PALM2AKAP2: variants seen among roughly 807,000 people sequenced by gnomAD.
PALM2AKAP2 encodes PALM2-AKAP2 fusion protein.
Under a neutral mutation model 71.5 loss-of-function variants are expected in PALM2AKAP2, and 37 were observed. The observed-to-expected ratio is 0.52, with a 90% confidence interval of 0.40 to 0.68. The LOEUF (loss-of-function observed/expected upper bound fraction) is 0.68. Ranked by LOEUF, PALM2AKAP2 falls within the 30% of genes least tolerant of loss-of-function variation. The probability of loss-of-function intolerance (pLI) is 0.00; values close to 1 mark genes in which losing one functional copy is unlikely to be tolerated. For synonymous variants in PALM2AKAP2, 468 were observed against 478.8 expected, an observed-to-expected ratio of 0.98 and a Z score of 0.29; for missense variants, 1,224 against 1,191.8, an observed-to-expected ratio of 1.03 and a Z score of -0.40.
chr9:110,022,168 C>G (rs1833084470), intron 7 of PALM2AKAP2, among the ~76,000 whole-genome samples: 1 of 152,188 alleles, frequency 6.6e-6, no homozygotes, highest in South Asian at 2.1e-4. Context: ...TTCACTGTGT[C>G]TCTCTCTGTA....
chr9:110,147,637 G>C (rs57619530), intron 2 of PALM2AKAP2, among the ~76,000 whole-genome samples: 6,591 of 152,212 alleles, frequency 0.043, 498 homozygotes, highest in African/African-American at 0.15. Flanking sequence ...GCTGAATTTA[G>C]TGGTGTGTAC....
chr9:110,024,739 G>T (rs1833143815), intron 7 of PALM2AKAP2: 2 of 592,984 alleles, frequency 3.4e-6, no homozygotes, highest in Non-Finnish European at 5.9e-6. Context: ...AGCTGTGATT[G>T]TGTCACTGCA....
intron 1 of PALM2AKAP2, among the ~76,000 whole-genome samples, chr9:109,756,857 A>T (rs1311791649): frequency 1.3e-5 from 2 of 152,106 alleles, no homozygotes; most frequent in Non-Finnish European, 2.9e-5. Context: ...TGATGAGTAC[A>T]TATTTATAGG....
intron 7 of PALM2AKAP2, among the ~76,000 whole-genome samples, chr9:110,028,964 A>C (rs112132295): frequency 0.056 from 8,470 of 150,238 alleles, 334 homozygotes; most frequent in Non-Finnish European, 0.087. Context: ...AAAAAAAAAG[A>C]CTTTTTTCAT....
At chr9:110,095,882 G>T (rs1007641057) in intron 1 of PALM2AKAP2, among the ~76,000 whole-genome samples, 1 of 152,168 alleles carries the variant, frequency 6.6e-6, no homozygotes, top group Non-Finnish European at 1.5e-5. Context: ...CTCTTTTGGG[G>T]CTGGGACTGG....
intron 1 of PALM2AKAP2, among the ~76,000 whole-genome samples, chr9:110,123,637 G>A (rs1240862305): frequency 4.6e-5 from 7 of 152,166 alleles, no homozygotes; most frequent in Non-Finnish European, 8.8e-5. Flanking sequence ...GGACTCTGGC[G>A]TCTCTGAGAC....
chr9:110,122,616 G>C (rs529945720), intron 1 of PALM2AKAP2, among the ~76,000 whole-genome samples: 3 of 152,280 alleles, frequency 2.0e-5, no homozygotes, highest in East Asian at 3.9e-4. Flanking sequence ...CACACAGTAG[G>C]AGCACCATAG....
intron 1 of PALM2AKAP2, among the ~76,000 whole-genome samples, chr9:110,112,511 A>G (rs1273289917): frequency 6.6e-6 from 1 of 152,252 alleles, no homozygotes; most frequent in Non-Finnish European, 1.5e-5. Flanking sequence ...AATTGTTACC[A>G]TCATCATCCA....
intron 1 of PALM2AKAP2, among the ~76,000 whole-genome samples, chr9:109,671,608 G>GT (rs531555880): frequency 3.3e-5 from 5 of 151,938 alleles, no homozygotes; most frequent in African/African-American, 4.8e-5. Flanking sequence ...TTTTAAAATA[G>GT]TTTTTTTTCT....
At chr9:109,802,961 C>G (rs1395556751) in intron 1 of PALM2AKAP2, among the ~76,000 whole-genome samples, 1 of 152,210 alleles carries the variant, frequency 6.6e-6, no homozygotes, top group Non-Finnish European at 1.5e-5. Context: ...CTTTTTAACA[C>G]AGATGCCAGT....
chr9:109,766,192 C>T (rs146164386), intron 1 of PALM2AKAP2, among the ~76,000 whole-genome samples: 173 of 152,328 alleles, frequency 1.1e-3, no homozygotes, highest in Non-Finnish European at 2.2e-3. Context: ...TCAGGGTCAA[C>T]GTTTTGCCCA....
At chr9:109,968,875 G>A (rs1395506098) in intron 6 of PALM2AKAP2, among the ~76,000 whole-genome samples, 18 of 152,208 alleles carry the variant, frequency 1.2e-4, no homozygotes, top group Non-Finnish European at 1.6e-4. Context: ...TCCAGTGACA[G>A]AACATGATCC....
intron 6 of PALM2AKAP2, among the ~76,000 whole-genome samples, chr9:109,956,308 G>A (rs541810778): frequency 6.6e-6 from 1 of 152,092 alleles, no homozygotes; most frequent in Admixed American, 6.5e-5. Flanking sequence ...TCTGGCCAAG[G>A]CTAATTACAT....
At chr9:110,097,709 C>A (rs1453204021) in intron 1 of PALM2AKAP2, among the ~76,000 whole-genome samples, 2 of 144,716 alleles carry the variant, frequency 1.4e-5, no homozygotes, top group East Asian at 3.9e-4. Flanking sequence ...TCCTCACATC[C>A]CAGACGATGG....
chr9:110,048,233 C>T (rs773577498), upstream of PALM2AKAP2, among the ~76,000 whole-genome samples: 1 of 152,198 alleles, frequency 6.6e-6, no homozygotes, highest in Non-Finnish European at 1.5e-5. Context: ...GTTTCCCCGC[C>T]TGAGTGGGAA....
At chr9:109,942,735 G>A in intron 6 of PALM2AKAP2, 1 of 1,611,196 alleles carries the variant, frequency 6.2e-7, no homozygotes. Context: ...AAACAGGAGA[G>A]ACCAAGATTC....
intron 1 of PALM2AKAP2, among the ~76,000 whole-genome samples, chr9:110,070,041 C>G (rs1220970399): frequency 6.6e-6 from 1 of 152,110 alleles, no homozygotes; most frequent in Middle Eastern, 3.2e-3. Context: ...GGCGGCCATC[C>G]CCACTGGAGG....
intron 6 of PALM2AKAP2, among the ~76,000 whole-genome samples, chr9:110,003,812 T>A: frequency 6.6e-6 from 1 of 152,216 alleles, no homozygotes. Context: ...TTGATCTTTG[T>A]TGGTTTAAAG....
intron 1 of PALM2AKAP2, among the ~76,000 whole-genome samples, chr9:109,747,075 A>G (rs1460844554): frequency 6.6e-6 from 1 of 152,214 alleles, no homozygotes; most frequent in East Asian, 1.9e-4. Context: ...AGGGCCATGA[A>G]TGCTGATGTG....
Sources: gnomAD v4.1 joint callset for allele counts (sites outside exome capture counted in the v4.1 genomes callset) on GRCh38, gnomAD v4.1.1 for gene constraint, MANE v1.5 for transcripts, NCBI Gene and HGNC (gene_info 2026-07-23, HGNC 2026-07-21) for gene names.